Variants in NFKB1 observed in about 807,000 individuals in gnomAD.
NFKB1 encodes nuclear factor kappa B subunit 1, also known as nuclear factor NF-kappa-B p105 subunit.
NFKB1 carries 9 observed loss-of-function variants against 105.1 expected under a neutral mutation model. That is an observed-to-expected ratio of 0.09 (90% CI 0.05 to 0.15). The LOEUF is 0.15. NFKB1 is among the 10% of genes least tolerant of loss of function. NFKB1 has a pLI of 1.00. For synonymous variants in NFKB1, 440 were observed against 442.2 expected (o/e 1.00, Z 0.06); for missense variants, 830 against 1,203.7 (o/e 0.69, Z 4.59).
At chr4:102,549,197 T>C (rs1465412500) in intron 5 of NFKB1, among the ~76,000 whole-genome samples, 1 of 152,040 alleles carries the variant, frequency 6.6e-6, no homozygotes, top group African/African-American at 2.4e-5. Flanking sequence ...TCTTACTATG[T>C]ATCTGTTATT....
At chr4:102,548,618 A>T (rs1722320273) in intron 5 of NFKB1, among the ~76,000 whole-genome samples, 1 of 152,180 alleles carries the variant, frequency 6.6e-6, no homozygotes, top group African/African-American at 2.4e-5. Flanking sequence ...ATTCTTTCAC[A>T]GTTCTGGATG....
intron 4 of NFKB1, among the ~76,000 whole-genome samples, chr4:102,535,343 G>T (rs748242664): frequency 1.8e-4 from 28 of 151,996 alleles, no homozygotes; most frequent in Non-Finnish European, 2.8e-4. Context: ...CCTTATTATG[G>T]ATCCAACAGT....
At chr4:102,504,403 A>T (rs1739293453) in intron 1 of NFKB1, among the ~76,000 whole-genome samples, 1 of 152,056 alleles carries the variant, frequency 6.6e-6, no homozygotes, top group Non-Finnish European at 1.5e-5. Context: ...TTTCTCATTA[A>T]TTTTCTTACT....
At chr4:102,554,027 T>A (rs1486365933) in intron 5 of NFKB1, among the ~76,000 whole-genome samples, 1 of 152,218 alleles carries the variant, frequency 6.6e-6, no homozygotes, top group Non-Finnish European at 1.5e-5. Context: ...TAAACTTTTT[T>A]TTTGTAGTTT....
chr4:102,515,134 G>A (rs1183772516), intron 1 of NFKB1, among the ~76,000 whole-genome samples: 4 of 90,598 alleles, frequency 4.4e-5, no homozygotes, highest in East Asian at 3.4e-4. Context: ...TTTTTGAGAC[G>A]GAGTCTCGCT....
At chr4:102,507,733 A>G (rs1290904586) in intron 1 of NFKB1, among the ~76,000 whole-genome samples, 15 of 152,210 alleles carry the variant, frequency 9.9e-5, no homozygotes, top group Non-Finnish European at 1.5e-5. Flanking sequence ...TTAAAAAGCA[A>G]TTTGTTTTTA....
At chr4:102,502,332 GCTCGCTCTCTGTCTCT>G in intron 1 of NFKB1, among the ~76,000 whole-genome samples, 1 of 149,120 alleles carries the variant, frequency 6.7e-6, no homozygotes, top group African/African-American at 2.5e-5. Context: ...AAGAAACCTG[GCTCGCTCTCTGTCTCT>G]CTCTCTCTCC....
At chr4:102,572,002 A>G (rs1168290905) in intron 6 of NFKB1, among the ~76,000 whole-genome samples, 1 of 152,248 alleles carries the variant, frequency 6.6e-6, no homozygotes, top group Non-Finnish European at 1.5e-5. Context: ...CCAAAGGTTT[A>G]TAAATCATGC....
intron 4 of NFKB1, 26 bp from the exon 5 acceptor site, chr4:102,537,832 A>C: frequency 7.1e-7 from 1 of 1,407,524 alleles, no homozygotes; most frequent in Non-Finnish European, 1.0e-6. Context: ...TCTCAAACTT[A>C]ATTGGCTTAA....
chr4:102,553,164 A>G (rs955141683), intron 5 of NFKB1, among the ~76,000 whole-genome samples: 1 of 152,196 alleles, frequency 6.6e-6, no homozygotes, highest in African/African-American at 2.4e-5. Flanking sequence ...ATTTTTATAC[A>G]GGGCAGCTGT....
intron 11 of NFKB1, among the ~76,000 whole-genome samples, chr4:102,590,477 T>C (rs1386865286): frequency 1.3e-5 from 2 of 152,226 alleles, no homozygotes; most frequent in East Asian, 1.9e-4. Context: ...TCCCACAGCA[T>C]GTACTCACTT....
intron 1 of NFKB1, chr4:102,511,035 T>G (rs950322127): frequency 4.5e-6 from 4 of 893,678 alleles, no homozygotes; most frequent in Non-Finnish European, 6.1e-6. Context: ...GGGGAAGCAT[T>G]GCTTGTTTAT....
intron 16 of NFKB1, among the ~76,000 whole-genome samples, chr4:102,602,604 G>A (rs1222356784): frequency 1.3e-5 from 2 of 151,684 alleles, no homozygotes; most frequent in Admixed American, 1.3e-4. Context: ...GTTTACATGT[G>A]GCTCTTAATA....
chr4:102,525,692 T>C (rs934117274), intron 2 of NFKB1, 135 bp downstream of exon 2: 1 of 750,250 alleles, frequency 1.3e-6, no homozygotes, highest in African/African-American at 1.8e-5. Flanking sequence ...AGTTTCTCTG[T>C]CCTTTCATGT....
At chr4:102,505,747 TTAAC>T (rs1329351978) in intron 1 of NFKB1, among the ~76,000 whole-genome samples, 2 of 152,156 alleles carry the variant, frequency 1.3e-5, no homozygotes, top group African/African-American at 2.4e-5. Flanking sequence ...ATACTCTAGT[TTAAC>T]TAAAAATAAA....
intron 15 of NFKB1, among the ~76,000 whole-genome samples, chr4:102,599,952 G>A (rs1726995283): frequency 6.6e-6 from 1 of 152,146 alleles, no homozygotes; most frequent in South Asian, 2.1e-4. Context: ...GACACCACCA[G>A]TATGTTCAGC....
chr4:102,591,700 T>A (rs1010520606), intron 11 of NFKB1, among the ~76,000 whole-genome samples: 4 of 152,214 alleles, frequency 2.6e-5, no homozygotes, highest in Admixed American at 2.6e-4. Flanking sequence ...GTAGTGCTCA[T>A]TGACAATACA....
At chr4:102,521,288 C>T (rs1013884881) in intron 1 of NFKB1, among the ~76,000 whole-genome samples, 1 of 152,260 alleles carries the variant, frequency 6.6e-6, no homozygotes, top group Non-Finnish European at 1.5e-5. Context: ...CCAGAAAATT[C>T]CTCTGTGGAA....
intron 6 of NFKB1, among the ~76,000 whole-genome samples, chr4:102,572,804 GT>G (rs1414255138): frequency 6.6e-6 from 1 of 152,096 alleles, no homozygotes; most frequent in Non-Finnish European, 1.5e-5. Flanking sequence ...GAAAAAAGGT[GT>G]TTATATTTAA....
Sources: allele counts gnomAD v4.1 joint callset (sites outside exome capture counted in the v4.1 genomes callset), GRCh38; gene constraint gnomAD v4.1.1; transcripts MANE v1.5; gene names NCBI Gene and HGNC (gene_info 2026-07-23, HGNC 2026-07-21).